Variants in SPATA3 observed in about 807,000 individuals in gnomAD.
The protein encoded by SPATA3 is spermatogenesis-associated protein 3.
SPATA3 carries 6 observed loss-of-function variants against 5.7 expected under a neutral mutation model. That is an observed-to-expected ratio of 1.06 (90% CI 0.58 to 2.09). SPATA3 has a LOEUF of 2.09. Ranked by LOEUF, SPATA3 falls within the 30% of genes most tolerant of loss-of-function variation. The pLI is 0.00. For missense variants in SPATA3, 155 were observed against 130.4 expected (o/e 1.19, Z -0.92); for synonymous variants, 44 against 48.4 (o/e 0.91, Z 0.37).
downstream of SPATA3, among the ~76,000 whole-genome samples, chr2:231,003,839 G>A (rs953163737): frequency 1.3e-5 from 2 of 152,150 alleles, no homozygotes; most frequent in African/African-American, 2.4e-5. Flanking sequence ...TCTCCCAGTG[G>A]AGTGAAATGA....
At chr2:231,005,340 C>CCAT (rs1692553446), downstream of SPATA3, among the ~76,000 whole-genome samples, 15 of 52,750 alleles carry the variant, frequency 2.8e-4, no homozygotes, top group African/African-American at 5.2e-4. Context: ...ATCACCATCA[C>CCAT]CATCATCACC....
At chr2:230,996,469 G>A (rs950275978) in intron 1 of SPATA3, 17 of 1,552,148 alleles carry the variant, frequency 1.1e-5, no homozygotes, top group Middle Eastern at 3.3e-4. Context: ...GAAATCCGCC[G>A]CTCCTCTTGC....
At chr2:231,018,136 G>A (rs550340503) in intron 6 of SPATA3, among the ~76,000 whole-genome samples, 2 of 152,088 alleles carry the variant, frequency 1.3e-5, no homozygotes, top group East Asian at 3.9e-4. Context: ...TGTTGGTCAG[G>A]CTGGTCTCGA....
intron 1 of SPATA3, chr2:230,996,510 G>A (rs1248996040): frequency 4.5e-6 from 7 of 1,551,906 alleles, no homozygotes; most frequent in Non-Finnish European, 5.2e-6. Context: ...TAACGTGAAG[G>A]CAGCCCCTCA....
chr2:231,002,891 T>C, downstream of SPATA3: 1 of 721,192 alleles, frequency 1.4e-6, no homozygotes. Flanking sequence ...AGCCCCGGCC[T>C]CTCAAGGGAA....
In SPATA3 at chr2:231,016,447, G is replaced by T. The variant is rs1028837680; in HGVS notation, c.*565+2235G>T. Reference sequence around the variant, plus strand: ...TTACACCCAAAATCCCAGCACTTTGGGAAGCCAAGGCAGGTGGATCGAGAT... The same window carrying T: ...TTACACCCAAAATCCCAGCACTTTGTGAAGCCAAGGCAGGTGGATCGAGAT... On this transcript the variant is annotated intron_variant, in intron 6 of 8. Coordinates refer to the SPATA3 transcript ENST00000452881. 1.4e-4 allele frequency among the ~76,000 whole-genome samples: 21 copies of T among 146,728 alleles called. 1 individual carries two copies. The South Asian group carries it at 1.5e-3, about 10-fold the overall frequency.
downstream of SPATA3, among the ~76,000 whole-genome samples, chr2:231,011,490 G>C (rs1460288435): frequency 6.6e-6 from 1 of 152,164 alleles, no homozygotes; most frequent in Non-Finnish European, 1.5e-5. Flanking sequence ...TCCTCCTGCA[G>C]CTGCCTGTCT....
chr2:231,007,499 T>C (rs1033844139), downstream of SPATA3, among the ~76,000 whole-genome samples: 1 of 152,136 alleles, frequency 6.6e-6, no homozygotes, highest in Admixed American at 6.5e-5. Flanking sequence ...TTTCTCACTC[T>C]AAAGGAAGGG....
chr2:231,006,512 A>AG (rs1692630725), downstream of SPATA3, among the ~76,000 whole-genome samples: 1 of 152,048 alleles, frequency 6.6e-6, no homozygotes, highest in African/African-American at 2.4e-5. Context: ...TCAAAAAAAA[A>AG]AAAGAAAGAA....
At chr2:231,008,480 G>A (rs536883746), downstream of SPATA3, among the ~76,000 whole-genome samples, 78 of 152,324 alleles carry the variant, frequency 5.1e-4, no homozygotes, top group African/African-American at 1.7e-3. Context: ...GGAAGGCAGG[G>A]AGCTGGTTTA....
In SPATA3 at chr2:231,000,483, G is replaced by A. The variant is rs547471420; in HGVS notation, c.908G>A (p.Arg303Gln). 2.8e-5 allele frequency: 43 copies of A among 1,549,420 alleles called. No individual in the cohort carries two copies. The highest frequency in any genetic ancestry group is 1.7e-4 in the Middle Eastern group (1 of 5,984). The change falls in exon 2 of 3, where the codon CGG becomes CAG. Residue 303 changes from arginine to glutamine, a missense_variant. By Grantham distance (43) the Arg-to-Gln change is conservative (BLOSUM62 1). Coordinates refer to ENST00000645363, the Ensembl canonical transcript of SPATA3. ...CGCATCTTCGATGTCCTTCTGCCTC[G>A]GGACTGGCAGATGGCGCCAGGGAGA...
rs906526838 is a variant in SPATA3 at position 231,000,217 on chromosome 2, A to G, written c.791-149A>G. The G allele has an allele frequency of 1.9e-5, 13 of 683,212 alleles. No individual in the cohort carries two copies. The African/African-American group carries it at 2.4e-4, about 13-fold the overall frequency. 42.3% of individuals were successfully genotyped at this position (683,212 alleles called of 1,614,324 possible). A position where few individuals can be genotyped will look rare whatever the true frequency, so the allele number is the denominator to read the frequency against. On this transcript the variant is annotated intron_variant, in intron 1 of 2. Transcript: ENST00000645363. The stretch of plus-strand genomic sequence containing the variant: ...TAGGTAGTTCAGTCCCAAATCCTCA[A>G]TGATGCCTTGGAAAAAATCCAGCGT...
downstream of SPATA3, among the ~76,000 whole-genome samples, chr2:231,003,034 C>A (rs1221880089): frequency 1.3e-5 from 2 of 152,136 alleles, no homozygotes; most frequent in Non-Finnish European, 2.9e-5. Context: ...CTCCTCTGCC[C>A]CGGGATGGTG....
chr2:231,011,974 C>G (rs1299842913), downstream of SPATA3, among the ~76,000 whole-genome samples: 1 of 152,228 alleles, frequency 6.6e-6, no homozygotes, highest in Non-Finnish European at 1.5e-5. Flanking sequence ...GAGATTTGAA[C>G]TGGAAAAGTG....
chr2:231,001,496 G>A (rs1333431441), intron 2 of SPATA3, among the ~76,000 whole-genome samples: 1 of 152,014 alleles, frequency 6.6e-6, no homozygotes, highest in African/African-American at 2.4e-5. Context: ...TACACATGGA[G>A]ATAAGTAAAT....
downstream of SPATA3, among the ~76,000 whole-genome samples, chr2:231,011,093 AAG>A (rs1491068085): frequency 3.0e-3 from 413 of 136,260 alleles, 7 homozygotes; most frequent in African/African-American, 0.011. Context: ...AAAAAAAGAA[AAG>A]AAAAAGAAAG....
downstream of SPATA3, among the ~76,000 whole-genome samples, chr2:231,008,852 A>G (rs1179833781): frequency 6.6e-6 from 1 of 152,202 alleles, no homozygotes; most frequent in Non-Finnish European, 1.5e-5. Flanking sequence ...GGCACAGGCC[A>G]TTTCCCTCTC....
At chr2:231,000,584 G>A (rs890781467) in intron 2 of SPATA3, 47 bp downstream of exon 2, 4 of 1,429,084 alleles carry the variant, frequency 2.8e-6, no homozygotes, top group Middle Eastern at 1.8e-4. Context: ...AGTCCCCAGG[G>A]CCAGGCTCTG....
chr2:231,003,336 C>T (rs1285436024), downstream of SPATA3, among the ~76,000 whole-genome samples: 1 of 152,186 alleles, frequency 6.6e-6, no homozygotes, highest in African/African-American at 2.4e-5. Context: ...CCTGCAAGAC[C>T]CCTGAGGGCA....
Sources: gnomAD v4.1 joint callset for allele counts (sites outside exome capture counted in the v4.1 genomes callset) on GRCh38, gnomAD v4.1.1 for gene constraint, MANE v1.5 for transcripts, NCBI Gene and HGNC (gene_info 2026-07-23, HGNC 2026-07-21) for gene names.